The following B4GALT5 variants were observed in gnomAD, a reference collection of about 807,000 sequenced individuals.
B4GALT5 encodes the protein beta-1,4-galactosyltransferase 5.
In B4GALT5, 11 loss-of-function variants were observed where a neutral mutation model predicts 45.0. The observed-to-expected ratio is 0.24, with a 90% CI of 0.15 to 0.40. The LOEUF (loss-of-function observed/expected upper bound fraction) is 0.40. Among genes scored for constraint, B4GALT5 ranks in the 10% least tolerant of loss-of-function variants. B4GALT5 has a pLI of 1.00. For synonymous variants in B4GALT5, 185 were observed against 182.9 expected (o/e 1.01, Z -0.09); for missense variants, 337 against 500.2 (o/e 0.67, Z 3.11).
intron 1 of B4GALT5, among the ~76,000 whole-genome samples, chr20:49,706,451 G>A (rs1465059301): frequency 6.6e-6 from 1 of 152,072 alleles, no homozygotes; most frequent in Non-Finnish European, 1.5e-5. Flanking sequence ...TGACTTATAT[G>A]ATCATCTATA....
chr20:49,651,328 T>C (rs2085621718), intron 2 of B4GALT5, among the ~76,000 whole-genome samples: 1 of 145,492 alleles, frequency 6.9e-6, no homozygotes, highest in Admixed American at 6.9e-5. Flanking sequence ...GTGGCTCACA[T>C]CTGTAATCCC....
chr20:49,674,081 C>CAAAAAAAAAA (rs34718276), intron 1 of B4GALT5, among the ~76,000 whole-genome samples: 16 of 94,524 alleles, frequency 1.7e-4, no homozygotes, highest in Admixed American at 6.0e-4. Flanking sequence ...ATTAAAAATA[C>CAAAAAAAAAA]AAAAAAAAAA....
chr20:49,641,279 A>G (rs1329432100), intron 5 of B4GALT5, among the ~76,000 whole-genome samples: 1 of 152,230 alleles, frequency 6.6e-6, no homozygotes, highest in Non-Finnish European at 1.5e-5. Flanking sequence ...GGAAGAGACA[A>G]CACTACCATT....
chr20:49,661,827 T>C (rs1009594500), intron 1 of B4GALT5, among the ~76,000 whole-genome samples: 3 of 152,216 alleles, frequency 2.0e-5, no homozygotes, highest in Admixed American at 2.0e-4. Context: ...AAATTCACAC[T>C]TACTAATAAT....
rs1555812110 is a variant in B4GALT5, at chr20:49,663,675, G to GAAAAAAAAAAGAAAA, written c.116-6974_116-6973insTTTTCTTTTTTTTTT. On this transcript the variant is annotated intron_variant, in intron 1 of 8. Transcript: ENST00000371711. ...GCAACATAGTGAGAATTCATCTCAA[G>GAAAAAAAAAAGAAAA]AAAAAAAAAAAAAAAATATATACAT... Among the ~76,000 whole-genome samples, 19 of 3,008 alleles carry GAAAAAAAAAAGAAAA rather than the reference G, an allele frequency of 6.3e-3. 6 individuals are homozygous for GAAAAAAAAAAGAAAA. The highest frequency in any genetic ancestry group is 0.016 in the South Asian group (1 of 64). 2.0% of individuals were successfully genotyped at this position (3,008 alleles called of 152,430 possible).
At chr20:49,704,740 A>G (rs1333390150) in intron 1 of B4GALT5, among the ~76,000 whole-genome samples, 1 of 148,124 alleles carries the variant, frequency 6.8e-6, no homozygotes. Flanking sequence ...AAAAAAAAAC[A>G]AAAAAAAACC....
At chr20:49,668,943 C>A (rs1031090951) in intron 1 of B4GALT5, among the ~76,000 whole-genome samples, 4 of 152,076 alleles carry the variant, frequency 2.6e-5, no homozygotes, top group African/African-American at 9.7e-5. Context: ...CTCACTGCAA[C>A]CTCAACTTCC....
chr20:49,641,885 CAGT>C (rs2085578448), intron 5 of B4GALT5, among the ~76,000 whole-genome samples: 2 of 151,936 alleles, frequency 1.3e-5, no homozygotes, highest in Non-Finnish European at 2.9e-5. Flanking sequence ...GAGAAAACCA[CAGT>C]AGGACAGTCA....
intron 6 of B4GALT5, 144 bp downstream of exon 6, chr20:49,640,334 G>A: frequency 3.0e-6 from 2 of 673,630 alleles, no homozygotes; most frequent in Non-Finnish European, 4.7e-6. Context: ...GCCAAACAGT[G>A]CTCCAATTGT....
chr20:49,636,390 T>G lies in B4GALT5; in HGVS notation c.1089A>C (p.Ala363=). Residue 363 remains alanine, a synonymous_variant, in exon 9 of 9, where the codon GCA becomes GCC. Transcript: ENST00000371711. ...TATACAAGGCGTCGTATGTGATGTT[T>G]GCAAAGTAGTTCAGGTTGTTGAGGC... ...LDGLNNLNYF[A]NITYDALYKN... 1 of 1,614,174 alleles carries G rather than the reference T, an allele frequency of 6.2e-7. No homozygotes were observed. The highest frequency in any genetic ancestry group is 1.1e-5 in the South Asian group (1 of 91,078).
At chr20:49,681,985 C>A (rs1168213582) in intron 1 of B4GALT5, among the ~76,000 whole-genome samples, 2 of 152,102 alleles carry the variant, frequency 1.3e-5, no homozygotes, top group Non-Finnish European at 2.9e-5. Context: ...AGTCCCAGGT[C>A]CTTGGGAGGC....
intron 1 of B4GALT5, among the ~76,000 whole-genome samples, chr20:49,669,732 C>T (rs964165004): frequency 4.6e-5 from 7 of 150,872 alleles, no homozygotes; most frequent in Middle Eastern, 3.2e-3. Flanking sequence ...GCTTGGCACA[C>T]AGATGCTGTG....
chr20:49,694,327 G>C (rs923025764), intron 1 of B4GALT5, among the ~76,000 whole-genome samples: 2 of 151,840 alleles, frequency 1.3e-5, no homozygotes, highest in African/African-American at 2.4e-5. Flanking sequence ...GTTATAGTTG[G>C]GAAAACTGTA....
intron 1 of B4GALT5, among the ~76,000 whole-genome samples, chr20:49,713,357 G>A (rs1025306827): frequency 2.6e-5 from 4 of 151,812 alleles, no homozygotes; most frequent in African/African-American, 9.7e-5. Flanking sequence ...GGGCGGGGTG[G>A]GCCGGAGGCT....
intron 1 of B4GALT5, among the ~76,000 whole-genome samples, chr20:49,696,969 G>A (rs939809312): frequency 2.0e-5 from 3 of 152,096 alleles, no homozygotes; most frequent in African/African-American, 4.8e-5. Flanking sequence ...CTATGCAGAT[G>A]GTTTTACTAT....
At chr20:49,683,559 AATTTTTGT>A (rs1167692614) in intron 1 of B4GALT5, among the ~76,000 whole-genome samples, 1 of 151,628 alleles carries the variant, frequency 6.6e-6, no homozygotes, top group African/African-American at 2.4e-5. Flanking sequence ...ATGCCCGGCT[AATTTTTGT>A]ATTTTTGTAG....
chr20:49,642,849 T>C (rs570522668), intron 4 of B4GALT5, among the ~76,000 whole-genome samples: 1 of 152,346 alleles, frequency 6.6e-6, no homozygotes, highest in East Asian at 1.9e-4. Context: ...ACACACATTC[T>C]ACACTGTGAC....
In B4GALT5 at chr20:49,634,244, G is replaced by C. The variant is rs1984451926; in HGVS notation, c.*2068C>G. 6.6e-6 allele frequency: 1 copy of C among 152,434 alleles called. No individual in the cohort carries two copies. The highest frequency in any genetic ancestry group is 6.6e-5 in the Admixed American group (1 of 15,246). The allele number at this position is 152,434 out of a possible 1,614,324, so 9.4% of individuals were successfully genotyped here. A position where few individuals can be genotyped will look rare whatever the true frequency, so the allele number is the denominator to read the frequency against. ...GCCTGGCCAATCACTCCCACAGTTT[G>C]TGGGGATCATATGTCCACAGAACCA... On this transcript the variant is annotated 3_prime_UTR_variant, in exon 9 of 9. Transcript: ENST00000371711.
rs954046457 is a variant in B4GALT5, at chr20:49,642,402, A to C, written c.606+66T>G. 77 of 1,200,110 alleles carry C rather than the reference A, an allele frequency of 6.4e-5. No homozygotes were observed. In the Admixed American group the frequency reaches 1.5e-3, roughly 24 times the overall value. 74.3% of individuals were successfully genotyped at this position (1,200,110 alleles called of 1,614,324 possible). A position where few individuals can be genotyped will look rare whatever the true frequency, so the allele number is the denominator to read the frequency against. On this transcript the variant is annotated intron_variant, in intron 5 of 8. Coordinates refer to ENST00000371711, the MANE Select transcript of B4GALT5 (RefSeq NM_004776.4). Reference sequence around the variant, plus strand: ...TGGCTCTTCACACCAACAGTGGATTAGCTTGCAGCAACCTAAACTGCTGTC... The same window carrying C: ...TGGCTCTTCACACCAACAGTGGATTCGCTTGCAGCAACCTAAACTGCTGTC...
Sources: gnomAD v4.1 joint callset for allele counts (sites outside exome capture counted in the v4.1 genomes callset) on GRCh38, gnomAD v4.1.1 for gene constraint, MANE v1.5 for transcripts, NCBI Gene and HGNC (gene_info 2026-07-23, HGNC 2026-07-21) for gene names.